DCAF5: variants seen among roughly 807,000 people sequenced by gnomAD.
DCAF5 encodes DDB1 and CUL4 associated factor 5, also known as DDB1- and CUL4-associated factor 5.
DCAF5 carries 9 observed loss-of-function variants against 80.7 expected under a neutral mutation model. The observed-to-expected ratio is 0.11, with a 90% CI of 0.07 to 0.19. The LOEUF (loss-of-function observed/expected upper bound fraction) is 0.19, where lower values mean the gene tolerates loss of function less well. Ranked by LOEUF, DCAF5 falls within the 10% of genes least tolerant of loss-of-function variation. DCAF5 has a pLI of 1.00. For missense variants in DCAF5, 842 were observed against 1,205.7 expected, an observed-to-expected ratio of 0.70 and a Z score of 4.47; for synonymous variants, 433 against 461.9, an observed-to-expected ratio of 0.94 and a Z score of 0.80.
intron 1 of DCAF5, among the ~76,000 whole-genome samples, chr14:69,132,964 T>C (rs976101643): frequency 6.6e-6 from 1 of 152,202 alleles, no homozygotes; most frequent in Non-Finnish European, 1.5e-5. Flanking sequence ...TTAGGATTAA[T>C]GAGATAGATC....
At chr14:69,107,337 C>A (rs1437029071) in intron 5 of DCAF5, among the ~76,000 whole-genome samples, 1 of 152,152 alleles carries the variant, frequency 6.6e-6, no homozygotes. Flanking sequence ...TCAACATGGA[C>A]CTCTCTGATT....
chr14:69,075,538 G>A, intron 6 of DCAF5, 127 bp from the exon 7 acceptor site: 1 of 438,292 alleles, frequency 2.3e-6, no homozygotes, highest in Non-Finnish European at 3.4e-6. Context: ...CTGGAATACA[G>A]TGGTGCAATC....
intron 1 of DCAF5, among the ~76,000 whole-genome samples, chr14:69,146,149 G>A (rs2041531469): frequency 6.6e-6 from 1 of 152,172 alleles, no homozygotes; most frequent in Non-Finnish European, 1.5e-5. Flanking sequence ...ATACATAACT[G>A]AGGACTCTTG....
At chr14:69,122,079 A>T in intron 2 of DCAF5, 138 bp downstream of exon 2, 1 of 1,036,452 alleles carries the variant, frequency 9.6e-7, no homozygotes, top group Non-Finnish European at 1.4e-6. Context: ...GCTGTAATGC[A>T]GAAAAGACAA....
intron 5 of DCAF5, among the ~76,000 whole-genome samples, chr14:69,097,577 T>A (rs866600579): frequency 1.1e-4 from 12 of 108,124 alleles, no homozygotes; most frequent in South Asian, 3.7e-4. Flanking sequence ...ATTATTATTA[T>A]TATTATTTTT....
intron 5 of DCAF5, among the ~76,000 whole-genome samples, chr14:69,102,617 CACAT>C (rs1221752298): frequency 1.2e-4 from 17 of 147,644 alleles, no homozygotes; most frequent in South Asian, 2.2e-4. Flanking sequence ...CACACACACA[CACAT>C]ATTAGCCTAG....
intron 5 of DCAF5, among the ~76,000 whole-genome samples, chr14:69,100,618 A>G (rs1171113872): frequency 6.6e-6 from 1 of 152,238 alleles, no homozygotes; most frequent in Non-Finnish European, 1.5e-5. Context: ...AACTACACTC[A>G]GTTTTATTTC....
chr14:69,125,325 C>T (rs1465794576), intron 1 of DCAF5, among the ~76,000 whole-genome samples: 3 of 152,172 alleles, frequency 2.0e-5, no homozygotes, highest in African/African-American at 7.2e-5. Flanking sequence ...AGCAAACTGG[C>T]CCCTGGAGTA....
At chr14:69,090,259 C>G (rs2039485690) in intron 6 of DCAF5, 1 of 290,830 alleles carries the variant, frequency 3.4e-6, no homozygotes, top group East Asian at 1.7e-4. Context: ...TATATCTGTT[C>G]TATTGAGAGT....
rs560202525 is a variant in DCAF5 at position 69,090,148 on chromosome 14, G to A, written c.879+1526C>T. 11 of 979,112 alleles carry A rather than the reference G, an allele frequency of 1.1e-5. No homozygotes were observed. In the South Asian group the frequency reaches 4.7e-4, roughly 42 times the overall value. The allele number at this position is 979,112 out of a possible 1,614,324, so 60.7% of individuals were successfully genotyped here. On this transcript the variant is annotated intron_variant, in intron 6 of 8. Coordinates refer to ENST00000341516, the MANE Select transcript of DCAF5 (RefSeq NM_003861.3). ...TTACATGCATAAGAAGTTGACAAAG[G>A]ATAGGAAATCAACAAAAGCAAAGAA...
At chr14:69,121,564 C>G (rs2040718474) in intron 2 of DCAF5, among the ~76,000 whole-genome samples, 1 of 152,152 alleles carries the variant, frequency 6.6e-6, no homozygotes. Context: ...ATCCAGCAGA[C>G]AAGAAGAAAT....
intron 5 of DCAF5, among the ~76,000 whole-genome samples, chr14:69,108,759 A>C (rs1365858155): frequency 1.3e-5 from 2 of 152,192 alleles, no homozygotes; most frequent in African/African-American, 4.8e-5. Flanking sequence ...GGTGAGTAGA[A>C]GACAGAAAGA....
intron 6 of DCAF5, chr14:69,089,893 T>A: frequency 7.1e-6 from 7 of 979,436 alleles, no homozygotes; most frequent in Non-Finnish European, 8.5e-6. Context: ...CAAAGAACTA[T>A]CTAGCCAAAA....
At position 69,147,877 on chromosome 14, in the gene DCAF5, G is replaced by A. The variant is rs532294608; in HGVS notation, c.214+4888C>T. ...AAACTTCATACTTATGGGTTATTCT[G>A]CTAGCTCTATAAGTTCCAATGCCTT... is the stretch of plus-strand genomic sequence containing the variant. On this transcript the variant is annotated intron_variant, in intron 1 of 8. Coordinates refer to ENST00000341516, the MANE Select transcript of DCAF5 (RefSeq NM_003861.3). 2.6e-5 allele frequency among the ~76,000 whole-genome samples: 4 copies of A among 152,202 alleles called. 1 individual carries two copies. In the East Asian group the frequency reaches 7.7e-4, roughly 29 times the overall value.
rs761276992 is a variant in DCAF5, at chr14:69,054,115, C to T, written c.2571G>A (p.Val857=). Residue 857 remains valine, a synonymous_variant, in exon 9 of 9, where the codon GTG becomes GTA. Coordinates refer to ENST00000341516, the MANE Select transcript of DCAF5 (RefSeq NM_003861.3). The part of the protein sequence containing the change: ...NGQNLGELEV[V]AYSSPGHSDT... ...CTGAGTGTCCTGGGGAAGAGTAGGC[C>T]ACCACCTCCAGCTCCCCCAAGTTCT... 1.2e-6 allele frequency: 2 copies of T among 1,614,212 alleles called. No homozygotes were observed. Among genetic ancestry groups the T allele is most frequent in the African/African-American group, 1.3e-5 (1 of 75,034 alleles).
At chr14:69,068,914 A>G (rs768683841) in intron 7 of DCAF5, among the ~76,000 whole-genome samples, 24 of 152,282 alleles carry the variant, frequency 1.6e-4, no homozygotes, top group Non-Finnish European at 3.2e-4. Flanking sequence ...TACTTAAGAA[A>G]TGAGAAAAGC....
chr14:69,142,341 T>C (rs1316258434), intron 1 of DCAF5, among the ~76,000 whole-genome samples: 1 of 152,144 alleles, frequency 6.6e-6, no homozygotes, highest in Non-Finnish European at 1.5e-5. Flanking sequence ...AAACTACTAC[T>C]GTCAAGTCTT....
intron 5 of DCAF5, among the ~76,000 whole-genome samples, chr14:69,114,682 G>GT (rs2040485627): frequency 2.0e-5 from 3 of 151,946 alleles, no homozygotes; most frequent in Non-Finnish European, 1.5e-5. Flanking sequence ...TTGTTTTTTT[G>GT]TTTTTATTTT....
intron 7 of DCAF5, among the ~76,000 whole-genome samples, chr14:69,068,634 G>T (rs1318060072): frequency 6.7e-6 from 1 of 149,414 alleles, no homozygotes; most frequent in African/African-American, 2.5e-5. Flanking sequence ...GGAGACAGAA[G>T]TTGCGGTGAG....
Sources: gnomAD v4.1 joint callset for allele counts (sites outside exome capture counted in the v4.1 genomes callset) on GRCh38, gnomAD v4.1.1 for gene constraint, MANE v1.5 for transcripts, NCBI Gene and HGNC (gene_info 2026-07-23, HGNC 2026-07-21) for gene names.